The following TENM2 variants were observed in gnomAD, a reference collection of about 807,000 sequenced individuals.
TENM2 encodes teneurin-2.
TENM2 carries 52 observed loss-of-function variants against 245.2 expected under a neutral mutation model. That is an observed-to-expected ratio of 0.21 (90% confidence interval 0.17 to 0.27). TENM2 has a LOEUF of 0.27. Among genes scored for constraint, TENM2 ranks in the 10% least tolerant of loss-of-function variants. The probability of loss-of-function intolerance (pLI) is 1.00; values close to 1 mark genes in which losing one functional copy is unlikely to be tolerated. For synonymous variants in TENM2, 1,363 were observed against 1,438.9 expected (o/e 0.95, Z 1.19); for missense variants, 3,046 against 3,666.8 (o/e 0.83, Z 4.37).
At chr5:168,022,534 A>T (rs1281758500) in intron 5 of TENM2, among the ~76,000 whole-genome samples, 1 of 152,194 alleles carries the variant, frequency 6.6e-6, no homozygotes, top group Non-Finnish European at 1.5e-5. Flanking sequence ...TTTTCGCCAC[A>T]ACTCTTCAGC....
intron 2 of TENM2, among the ~76,000 whole-genome samples, chr5:167,602,488 C>T (rs1776706300): frequency 2.0e-5 from 3 of 152,108 alleles, no homozygotes. Flanking sequence ...TCAATTTCTG[C>T]TGAAGATTGA....
chr5:167,743,450 G>A (rs1761340206), intron 2 of TENM2, among the ~76,000 whole-genome samples: 2 of 152,146 alleles, frequency 1.3e-5, no homozygotes, highest in Non-Finnish European at 2.9e-5. Flanking sequence ...CTTAAATGAT[G>A]TTTAGGGTAA....
chr5:168,187,848 A>G (rs1452194204), intron 13 of TENM2: 1 of 152,154 alleles, frequency 6.6e-6, no homozygotes, highest in Non-Finnish European at 1.5e-5. Flanking sequence ...GGAACTGGGG[A>G]GTATCCGATT....
At chr5:167,943,762 C>T (rs1243983840) in intron 3 of TENM2, among the ~76,000 whole-genome samples, 1 of 152,154 alleles carries the variant, frequency 6.6e-6, no homozygotes. Flanking sequence ...CTAAACTTCT[C>T]GACAGGGAGT....
chr5:168,261,185 C>G (rs28664117), intron 28 of TENM2, among the ~76,000 whole-genome samples: 3 of 152,138 alleles, frequency 2.0e-5, no homozygotes, highest in South Asian at 2.1e-4. Flanking sequence ...ACCTCCCAAA[C>G]GCAGCCTCTC....
intron 18 of TENM2, 73 bp from the exon 21 acceptor site, chr5:168,204,299 C>T (rs1015124330): frequency 6.7e-7 from 1 of 1,497,450 alleles, no homozygotes. Flanking sequence ...TCTTCCCCTC[C>T]CTCCCAGTTG....
At chr5:167,391,483 A>AGT (rs957778383) in intron 2 of TENM2, among the ~76,000 whole-genome samples, 3 of 151,662 alleles carry the variant, frequency 2.0e-5, no homozygotes, top group Non-Finnish European at 4.4e-5. Flanking sequence ...AAATTAGCTG[A>AGT]GTGTGGTGGC....
chr5:167,775,981 T>C (rs1358648095), intron 2 of TENM2, among the ~76,000 whole-genome samples: 1 of 152,112 alleles, frequency 6.6e-6, no homozygotes, highest in East Asian at 1.9e-4. Flanking sequence ...AAATTCTAAA[T>C]GTAAAACAAA....
chr5:167,232,872 G>A, the TENM2 span, among the ~76,000 whole-genome samples: 1 of 152,160 alleles, frequency 6.6e-6, no homozygotes, highest in South Asian at 2.1e-4. Flanking sequence ...TTGAATAACG[G>A]CTGTCCTTTA....
chr5:167,993,203 T>G (rs1385531877), intron 5 of TENM2, 21 bp downstream of exon 7: 1 of 1,592,980 alleles, frequency 6.3e-7, no homozygotes, highest in Admixed American at 1.7e-5. Flanking sequence ...GCAGCCTTAT[T>G]CAGCAACGCT....
chr5:167,625,400 C>T (rs1160189957), intron 2 of TENM2, among the ~76,000 whole-genome samples: 1 of 151,986 alleles, frequency 6.6e-6, no homozygotes, highest in Admixed American at 6.6e-5. Context: ...TATCACATAC[C>T]ACCTCACTGA....
intron 13 of TENM2, among the ~76,000 whole-genome samples, chr5:168,181,323 G>A (rs962794320): frequency 1.3e-5 from 2 of 152,208 alleles, no homozygotes; most frequent in African/African-American, 4.8e-5. Flanking sequence ...ATTTCCCCCA[G>A]TGGCTTCAAG....
At chr5:167,261,583 A>C in the TENM2 span, among the ~76,000 whole-genome samples, 1 of 152,176 alleles carries the variant, frequency 6.6e-6, no homozygotes, top group Non-Finnish European at 1.5e-5. Flanking sequence ...GGAAAGAGAA[A>C]GTAGAAAGTA....
the TENM2 span, among the ~76,000 whole-genome samples, chr5:167,177,694 C>T: frequency 3.9e-5 from 6 of 152,220 alleles, no homozygotes; most frequent in South Asian, 4.1e-4. Context: ...TCCCCATATT[C>T]GTGTCAGGGA....
intron 3 of TENM2, among the ~76,000 whole-genome samples, chr5:167,902,957 C>T (rs1003142907): frequency 3.3e-5 from 5 of 152,146 alleles, no homozygotes; most frequent in African/African-American, 9.7e-5. Flanking sequence ...TTCCCATGAA[C>T]GTTTTGTTGC....
intron 2 of TENM2, among the ~76,000 whole-genome samples, chr5:167,390,929 C>G (rs949249226): frequency 6.6e-6 from 1 of 152,118 alleles, no homozygotes; most frequent in African/African-American, 2.4e-5. Flanking sequence ...GGTTTTAGCC[C>G]TTGCTCCCAC....
the TENM2 span, among the ~76,000 whole-genome samples, chr5:167,276,349 ATTTT>A: frequency 4.8e-5 from 3 of 62,584 alleles, no homozygotes; most frequent in African/African-American, 1.3e-4. Flanking sequence ...GAGCCTGTTC[ATTTT>A]GTGTGTGTGT....
chr5:167,261,224 A>G, the TENM2 span, among the ~76,000 whole-genome samples: 1 of 152,162 alleles, frequency 6.6e-6, no homozygotes, highest in Non-Finnish European at 1.5e-5. Flanking sequence ...AACCTTAGAC[A>G]GATAGGATAA....
chr5:167,686,915 T>C (rs1757110945), intron 2 of TENM2, among the ~76,000 whole-genome samples: 2 of 152,156 alleles, frequency 1.3e-5, no homozygotes, highest in Admixed American at 1.3e-4. Context: ...CGAGCACATG[T>C]TGAAATCCAG....
Sources: gnomAD v4.1 joint callset for allele counts (sites outside exome capture counted in the v4.1 genomes callset) on GRCh38, gnomAD v4.1.1 for gene constraint, MANE v1.5 for transcripts, NCBI Gene and HGNC (gene_info 2026-07-23, HGNC 2026-07-21) for gene names.